The following CDKN2B-AS1 variants were observed in gnomAD, a reference collection of about 807,000 sequenced individuals.
CDKN2B-AS1 encodes CDKN2B and CDKN2A antisense cis and trans regulatory RNA 1.
chr9:22,038,457 G>T (rs1349458276), intron 1 of CDKN2B-AS1, among the ~76,000 whole-genome samples: 11 of 151,882 alleles, frequency 7.2e-5, no homozygotes, highest in Admixed American at 5.9e-4. Context: ...ACCACAAAGT[G>T]CATCTTACTT....
intron 1 of CDKN2B-AS1, among the ~76,000 whole-genome samples, chr9:22,014,727 T>G (rs1456298749): frequency 6.6e-6 from 1 of 151,452 alleles, no homozygotes; most frequent in Non-Finnish European, 1.5e-5. Flanking sequence ...TCATTTAGCA[T>G]TAGATATATA....
chr9:22,125,041 G>A (rs73443203), intron 4 of CDKN2B-AS1, among the ~76,000 whole-genome samples: 1,793 of 152,292 alleles, frequency 0.012, 38 homozygotes, highest in African/African-American at 0.041. Context: ...TCACATGTAC[G>A]TGCATGCACG....
At chr9:22,063,993 T>G (rs1823930857) in intron 4 of CDKN2B-AS1, 1 of 152,242 alleles carries the variant, frequency 6.6e-6, no homozygotes, top group Non-Finnish European at 1.5e-5. Flanking sequence ...ACGTTGCCTG[T>G]GGCCACCTTG....
intron 1 of CDKN2B-AS1, among the ~76,000 whole-genome samples, chr9:22,021,263 AT>A (rs1822007439): frequency 6.6e-6 from 1 of 151,500 alleles, no homozygotes; most frequent in African/African-American, 2.4e-5. Context: ...CTTAACTTTT[AT>A]TTATTTATTT....
chr9:22,038,507 A>G (rs1488522322), intron 1 of CDKN2B-AS1, among the ~76,000 whole-genome samples: 2 of 152,008 alleles, frequency 1.3e-5, no homozygotes, highest in African/African-American at 4.8e-5. Context: ...TTTTACTTTT[A>G]AGAGAGTATA....
At chr9:22,025,977 A>G (rs961123336) in intron 1 of CDKN2B-AS1, among the ~76,000 whole-genome samples, 1 of 151,880 alleles carries the variant, frequency 6.6e-6, no homozygotes, top group African/African-American at 2.4e-5. Flanking sequence ...CCCTGGGACA[A>G]AGGTCCCATG....
chr9:22,076,802 C>T (rs1436961406), intron 4 of CDKN2B-AS1, among the ~76,000 whole-genome samples: 2 of 152,202 alleles, frequency 1.3e-5, no homozygotes, highest in Non-Finnish European at 2.9e-5. Context: ...AAGCAATCCT[C>T]TCACCTGAGC....
chr9:22,049,756 G>A (rs1823263091), intron 3 of CDKN2B-AS1, among the ~76,000 whole-genome samples: 1 of 152,214 alleles, frequency 6.6e-6, no homozygotes, highest in Non-Finnish European at 1.5e-5. Flanking sequence ...AAGGCATCAT[G>A]TATAGTATTG....
chr9:22,081,764 C>T lies in CDKN2B-AS1; in HGVS notation n.438+25377C>T, dbSNP rs555998193. The stretch of plus-strand genomic sequence containing the variant: ...TCTGACTCAGTTTCCCCATCTGGCA[C>T]CCAATCTTTTACAGTGTTATGAAAA... On this transcript the variant is annotated intron_variant and non_coding_transcript_variant, in intron 4 of 4. Transcript: ENST00000650946. 4.6e-5 allele frequency among the ~76,000 whole-genome samples: 7 copies of T among 152,324 alleles called. No individual in the cohort carries two copies. In the South Asian group the frequency reaches 1.4e-3, roughly 32 times the overall value.
intron 1 of CDKN2B-AS1, among the ~76,000 whole-genome samples, chr9:22,016,625 G>T (rs559403590): frequency 2.2e-4 from 33 of 152,154 alleles, no homozygotes; most frequent in African/African-American, 6.5e-4. Context: ...ACAGAACAGA[G>T]CCCTCAGAAA....
intron 4 of CDKN2B-AS1, among the ~76,000 whole-genome samples, chr9:22,126,855 A>T (rs954465024): frequency 6.6e-6 from 1 of 152,038 alleles, no homozygotes; most frequent in Non-Finnish European, 1.5e-5. Flanking sequence ...TACAGGCGTG[A>T]GAAGTGAGTG....
At chr9:22,008,891 G>A (rs1276432973) in intron 1 of CDKN2B-AS1, 9 of 1,612,618 alleles carry the variant, frequency 5.6e-6, no homozygotes, top group Non-Finnish European at 7.6e-6. Context: ...CCCGCGCCGC[G>A]GCGCTGGCCA....
At position 22,006,120 on chromosome 9, in the gene CDKN2B-AS1, G is replaced by A. The variant is rs748001006; in HGVS notation, n.29+10959G>A. On this transcript the variant is annotated intron_variant and non_coding_transcript_variant, in intron 1 of 4. Coordinates refer to ENST00000650946, the Ensembl canonical transcript of CDKN2B-AS1. The surrounding 1 kb of genome is among the most constrained non-coding windows in gnomAD (Gnocchi z 6.4). ...CCCGGCCCGGTGCAGCACCACCAGC[G>A]TGTCCAGGAAGCCCTCCCGGGCAGC... is the stretch of plus-strand genomic sequence containing the variant. 3 of 1,610,896 alleles carry A rather than the reference G, an allele frequency of 1.9e-6. No individual in the cohort carries two copies. Among genetic ancestry groups the A allele is most frequent in the Admixed American group, 1.7e-5 (1 of 60,002 alleles).
exon 5 of CDKN2B-AS1, among the ~76,000 whole-genome samples, chr9:22,127,925 A>G (rs1818040225): frequency 6.6e-6 from 1 of 152,156 alleles, no homozygotes; most frequent in Non-Finnish European, 1.5e-5. Context: ...CCAGGGTCAG[A>G]CAACTGGGTG....
At chr9:22,111,179 T>A (rs904320772) in intron 4 of CDKN2B-AS1, among the ~76,000 whole-genome samples, 8 of 152,170 alleles carry the variant, frequency 5.3e-5, no homozygotes, top group African/African-American at 1.7e-4. Flanking sequence ...TGTATATGTA[T>A]GTATCTGTCT....
exon 4 of CDKN2B-AS1, chr9:22,056,286 T>G (rs1010739621): frequency 4.0e-5 from 6 of 149,002 alleles, no homozygotes; most frequent in Admixed American, 3.4e-4. Flanking sequence ...GCCAGACTGG[T>G]CTTGAACTCT....
At chr9:22,119,675 T>C (rs1826048425) in intron 4 of CDKN2B-AS1, 1 of 152,256 alleles carries the variant, frequency 6.6e-6, no homozygotes, top group Non-Finnish European at 1.5e-5. Flanking sequence ...GTCTGGCTAT[T>C]TCAGGGCGCA....
intron 1 of CDKN2B-AS1, among the ~76,000 whole-genome samples, chr9:22,023,580 CA>C (rs111513140): frequency 3.9e-4 from 56 of 143,274 alleles, no homozygotes; most frequent in East Asian, 1.0e-3. Flanking sequence ...CTAAAAATAC[CA>C]AAAAAAAAAA....
intron 4 of CDKN2B-AS1, among the ~76,000 whole-genome samples, chr9:22,075,880 T>C (rs1347842304): frequency 1.3e-5 from 2 of 152,088 alleles, no homozygotes; most frequent in Admixed American, 6.5e-5. Context: ...GGAAACTATA[T>C]ATTTCTAAGA....
Sources: allele counts gnomAD v4.1 joint callset (sites outside exome capture counted in the v4.1 genomes callset), GRCh38; gene constraint gnomAD v4.1.1; non-coding constraint Gnocchi (gnomAD v3.1); transcripts MANE v1.5; gene names NCBI Gene and HGNC (gene_info 2026-07-23, HGNC 2026-07-21).